Variants in DDHD1 observed in about 807,000 individuals in gnomAD.
DDHD1 encodes the protein DDHD domain containing 1.
Under a neutral mutation model 96.4 loss-of-function variants are expected in DDHD1, and 49 were observed. The ratio of observed to expected loss-of-function variants is 0.51; its 90% confidence interval spans 0.40 to 0.64. The LOEUF (loss-of-function observed/expected upper bound fraction) is 0.64, where lower values mean the gene tolerates loss of function less well. Ranked by LOEUF, DDHD1 falls within the 30% of genes least tolerant of loss-of-function variation. The pLI, the probability that DDHD1 is intolerant of heterozygous loss-of-function variation, is 0.00. For missense variants in DDHD1, 1,106 were observed against 1,161.2 expected, an observed-to-expected ratio of 0.95 and a Z score of 0.69; for synonymous variants, 442 against 446.5, an observed-to-expected ratio of 0.99 and a Z score of 0.13.
intron 1 of DDHD1, among the ~76,000 whole-genome samples, chr14:53,129,164 C>T (rs541092631): frequency 1.3e-5 from 2 of 152,178 alleles, no homozygotes; most frequent in Non-Finnish European, 2.9e-5. Context: ...TTCAAATGGA[C>T]GTGCATGACA....
intron 4 of DDHD1, among the ~76,000 whole-genome samples, chr14:53,089,453 G>A (rs2139989352): frequency 6.6e-6 from 1 of 152,244 alleles, no homozygotes; most frequent in African/African-American, 2.4e-5. Context: ...CATGGTACTG[G>A]TATCAAAACA....
intron 4 of DDHD1, among the ~76,000 whole-genome samples, chr14:53,084,457 G>A (rs1246923367): frequency 2.0e-5 from 3 of 152,056 alleles, no homozygotes; most frequent in African/African-American, 7.2e-5. Flanking sequence ...CAGGTTCCTA[G>A]ATATTCAAGC....
intron 1 of DDHD1, among the ~76,000 whole-genome samples, chr14:53,104,366 C>T (rs1477805643): frequency 5.9e-5 from 9 of 152,150 alleles, no homozygotes; most frequent in African/African-American, 1.7e-4. Flanking sequence ...AGATGAGCAG[C>T]TATGTATATA....
chr14:53,108,087 T>C (rs1887830916), intron 1 of DDHD1, among the ~76,000 whole-genome samples: 1 of 152,136 alleles, frequency 6.6e-6, no homozygotes, highest in South Asian at 2.1e-4. Context: ...TCTTTTCTGG[T>C]CCGTGTTTGT....
chr14:53,084,707 C>A (rs975034074), intron 4 of DDHD1, among the ~76,000 whole-genome samples: 6 of 152,288 alleles, frequency 3.9e-5, no homozygotes, highest in Middle Eastern at 3.4e-3. Flanking sequence ...CCAGCTTGAT[C>A]GATGCAGAAG....
intron 1 of DDHD1, among the ~76,000 whole-genome samples, chr14:53,111,488 T>C (rs1390647600): frequency 6.6e-6 from 1 of 152,240 alleles, no homozygotes; most frequent in Admixed American, 6.5e-5. Context: ...ATCAGGCTTT[T>C]TCTGAATTAG....
At chr14:53,072,468 G>C in intron 6 of DDHD1, 129 bp downstream of exon 6, 1 of 445,982 alleles carries the variant, frequency 2.2e-6, no homozygotes, top group Non-Finnish European at 3.9e-6. Context: ...ATTAAAAGTA[G>C]GCTATTTATA....
rs954396893 is a variant in DDHD1 at position 53,039,036 on chromosome 14, G to C, written c.*7732C>G. On this transcript the variant is annotated 3_prime_UTR_variant, in exon 13 of 13. Coordinates refer to ENST00000673822, the MANE Select transcript of DDHD1 (RefSeq NM_001160148.2). The stretch of plus-strand genomic sequence containing the variant: ...AAGACAACTTCATTAGGAATGTGGA[G>C]GTAATTTTTTGTCAAATGATTATTA... 6.6e-6 allele frequency: 1 copy of C among 152,140 alleles called. No homozygotes were observed. Among genetic ancestry groups the C allele is most frequent in the African/African-American group, 2.4e-5 (1 of 41,434 alleles). The allele number at this position is 152,140 out of a possible 1,614,324, so 9.4% of individuals were successfully genotyped here.
At chr14:53,103,396 A>G (rs930074560) in intron 2 of DDHD1, 10 of 358,760 alleles carry the variant, frequency 2.8e-5, no homozygotes, top group Non-Finnish European at 3.9e-5. Context: ...ATAACTAAAA[A>G]ATTACTAAAA....
At chr14:53,144,609 T>C (rs953728686) in intron 1 of DDHD1, among the ~76,000 whole-genome samples, 2 of 152,326 alleles carry the variant, frequency 1.3e-5, no homozygotes, top group South Asian at 2.1e-4. Context: ...AGATACCAGA[T>C]GTTAAAATGC....
intron 1 of DDHD1, among the ~76,000 whole-genome samples, chr14:53,113,033 T>C (rs112765324): frequency 0.034 from 5,112 of 152,176 alleles, 297 homozygotes; most frequent in African/African-American, 0.11. Context: ...GATCTCAGCT[T>C]ACTGCAACCT....
intron 10 of DDHD1, 80 bp downstream of exon 10, chr14:53,055,580 A>G (rs1371878988): frequency 2.9e-6 from 4 of 1,359,966 alleles, no homozygotes; most frequent in Non-Finnish European, 4.0e-6. Flanking sequence ...TTCCTAATAC[A>G]TAGAATACTT....
chr14:53,068,164 A>C (rs1884198707), intron 6 of DDHD1, among the ~76,000 whole-genome samples: 1 of 151,764 alleles, frequency 6.6e-6, no homozygotes, highest in Non-Finnish European at 1.5e-5. Context: ...GTTCAGGATG[A>C]GATACGGTAT....
At chr14:53,151,748 G>T (rs375431315) in intron 1 of DDHD1, among the ~76,000 whole-genome samples, 1 of 152,112 alleles carries the variant, frequency 6.6e-6, no homozygotes, top group African/African-American at 2.4e-5. Context: ...CCACCTCTCC[G>T]AACACACCCA....
intron 1 of DDHD1, among the ~76,000 whole-genome samples, chr14:53,121,363 G>C (rs955585994): frequency 6.6e-6 from 1 of 152,216 alleles, no homozygotes; most frequent in Admixed American, 6.5e-5. Flanking sequence ...CATTGTGGAA[G>C]ACGGTGTGGC....
intron 1 of DDHD1, among the ~76,000 whole-genome samples, chr14:53,135,356 C>G (rs1890155819): frequency 6.6e-6 from 1 of 152,200 alleles, no homozygotes; most frequent in Non-Finnish European, 1.5e-5. Flanking sequence ...GTAATATTCT[C>G]TACGCCCTTG....
chr14:53,112,408 T>C (rs964915983), intron 1 of DDHD1, among the ~76,000 whole-genome samples: 1 of 148,378 alleles, frequency 6.7e-6, no homozygotes, highest in Admixed American at 6.7e-5. Context: ...AGAGCGAGAC[T>C]CCATCTCAAA....
At chr14:53,119,207 A>C (rs1383397887) in intron 1 of DDHD1, among the ~76,000 whole-genome samples, 1 of 152,192 alleles carries the variant, frequency 6.6e-6, no homozygotes, top group African/African-American at 2.4e-5. Context: ...CACTGCAAAA[A>C]CATGACAAAT....
At chr14:53,111,785 G>A (rs1378097226) in intron 1 of DDHD1, among the ~76,000 whole-genome samples, 1 of 152,120 alleles carries the variant, frequency 6.6e-6, no homozygotes, top group African/African-American at 2.4e-5. Context: ...CAATTTCTTT[G>A]CAACCTCATT....
Sources: gnomAD v4.1 joint callset for allele counts (sites outside exome capture counted in the v4.1 genomes callset) on GRCh38, gnomAD v4.1.1 for gene constraint, MANE v1.5 for transcripts, NCBI Gene and HGNC (gene_info 2026-07-23, HGNC 2026-07-21) for gene names.